The following KCTD1 variants were observed in gnomAD, a reference collection of about 807,000 sequenced individuals.
The protein encoded by KCTD1 is potassium channel tetramerization domain containing 1, also known as BTB/POZ domain-containing protein KCTD1.
Under a neutral mutation model 66.0 loss-of-function variants are expected in KCTD1, and 24 were observed. That is an observed-to-expected ratio of 0.36 (90% CI 0.26 to 0.51). The LOEUF (loss-of-function observed/expected upper bound fraction) is 0.51, where lower values mean the gene tolerates loss of function less well. Ranked by LOEUF, KCTD1 falls within the 20% of genes least tolerant of loss-of-function variation. The pLI is 0.95. For synonymous variants in KCTD1, 511 were observed against 517.2 expected (o/e 0.99, Z 0.16); for missense variants, 943 against 1,205.2 (o/e 0.78, Z 3.22).
chr18:26,463,555 A>AGAT (rs1980557931), intron 3 of KCTD1, among the ~76,000 whole-genome samples: 1 of 141,070 alleles, frequency 7.1e-6, no homozygotes. Flanking sequence ...TTTTTTTTTG[A>AGAT]GATGGAGTTT....
chr18:26,532,855 A>G (rs529038605), intron 1 of KCTD1, among the ~76,000 whole-genome samples: 3 of 152,216 alleles, frequency 2.0e-5, no homozygotes, highest in Non-Finnish European at 2.9e-5. Context: ...TGGTTTTATT[A>G]GTTTTCCTGT....
intron 1 of KCTD1, among the ~76,000 whole-genome samples, chr18:26,502,301 G>A (rs1389719773): frequency 6.6e-6 from 1 of 152,088 alleles, no homozygotes; most frequent in Non-Finnish European, 1.5e-5. Flanking sequence ...CGCCCACCTC[G>A]GCCTCCCAAA....
At chr18:26,552,313 C>A (rs1228218104), upstream of KCTD1, among the ~76,000 whole-genome samples, 1 of 152,172 alleles carries the variant, frequency 6.6e-6, no homozygotes, top group Non-Finnish European at 1.5e-5. Flanking sequence ...TTCTGAGTAT[C>A]ATCTGTTAAT....
chr18:26,583,970 T>C (rs1219243181), intron 1 of KCTD1, among the ~76,000 whole-genome samples: 2 of 152,238 alleles, frequency 1.3e-5, no homozygotes, highest in African/African-American at 4.8e-5. Context: ...TCTGTTGTTT[T>C]GCATCCTCAA....
At chr18:26,457,787 A>G (rs1222650211) in intron 4 of KCTD1, 2 of 152,214 alleles carry the variant, frequency 1.3e-5, no homozygotes, top group Non-Finnish European at 2.9e-5. Flanking sequence ...CTGCGTGCCC[A>G]TAGGCTGGTG....
rs764837166 is a variant in KCTD1, at chr18:26,455,800, C to T, written c.2541G>A (p.Leu847=). The T allele has an allele frequency of 1.2e-6, 2 of 1,614,190 alleles. No homozygotes were observed. Among genetic ancestry groups the T allele is most frequent in the East Asian group, 2.2e-5 (1 of 44,888 alleles). Residue 847 remains leucine, a synonymous_variant, in exon 5 of 5, where the codon CTG becomes CTA. Coordinates refer to ENST00000580059, the MANE Select transcript of KCTD1 (RefSeq NM_001142730.3). ...QFSEYVLRRE[L]RRTPRVPSVI... ...CGGAGGGTACACGGGGCGTCCGCCTCAGTTCCCGCCGAAGGACGTATTCGC... is the reference window on the plus strand; with the variant it reads ...CGGAGGGTACACGGGGCGTCCGCCTTAGTTCCCGCCGAAGGACGTATTCGC...
intron 1 of KCTD1, among the ~76,000 whole-genome samples, chr18:26,570,991 T>A (rs774206451): frequency 3.2e-4 from 49 of 152,222 alleles, no homozygotes; most frequent in Middle Eastern, 3.2e-3. Flanking sequence ...TTTGGCCAGA[T>A]AACATTTCCA....
chr18:26,462,304 G>A (rs1009671116), intron 3 of KCTD1, among the ~76,000 whole-genome samples: 1 of 152,246 alleles, frequency 6.6e-6, no homozygotes, highest in Admixed American at 6.5e-5. Flanking sequence ...AGTCAGAAGC[G>A]CTCCTATGAA....
chr18:26,536,936 C>T (rs1382607118), intron 1 of KCTD1, among the ~76,000 whole-genome samples: 2 of 147,166 alleles, frequency 1.4e-5, no homozygotes, highest in African/African-American at 5.0e-5. Context: ...AAAAAAAAAA[C>T]CCACGAGACA....
intron 1 of KCTD1, among the ~76,000 whole-genome samples, chr18:26,650,914 T>C (rs1568021073): frequency 6.6e-6 from 1 of 152,258 alleles, no homozygotes; most frequent in South Asian, 2.1e-4. Flanking sequence ...AGTTCATAAC[T>C]CTTCTTCTTA....
chr18:26,647,564 TCTGA>T (rs1390125424), intron 1 of KCTD1, among the ~76,000 whole-genome samples: 1 of 117,648 alleles, frequency 8.5e-6, no homozygotes, highest in East Asian at 2.9e-4. Flanking sequence ...AGGGCTGAAT[TCTGA>T]AATTTTGGCC....
At chr18:26,455,987 A>C in intron 4 of KCTD1, 86 bp from the exon 5 acceptor site, 1 of 1,294,294 alleles carries the variant, frequency 7.7e-7, no homozygotes, top group East Asian at 2.5e-5. Flanking sequence ...GATTATGCGC[A>C]CTCTGGTTCA....
At chr18:26,535,433 T>C (rs1010152464) in intron 1 of KCTD1, among the ~76,000 whole-genome samples, 1 of 151,958 alleles carries the variant, frequency 6.6e-6, no homozygotes, top group Admixed American at 6.5e-5. Flanking sequence ...ACTGACCCAC[T>C]GAAGAAATGG....
intron 1 of KCTD1, among the ~76,000 whole-genome samples, chr18:26,647,094 G>A (rs1048664106): frequency 1.2e-4 from 18 of 152,274 alleles, no homozygotes; most frequent in African/African-American, 4.3e-4. Context: ...ATAAAGATCT[G>A]TTTTTCCTAT....
upstream of KCTD1, chr18:26,549,868 C>A: frequency 4.3e-6 from 4 of 924,230 alleles, no homozygotes; most frequent in Non-Finnish European, 3.9e-6. Flanking sequence ...TGCCCCACTT[C>A]CAGCCAAACG....
At chr18:26,537,777 A>G (rs542523200) in intron 1 of KCTD1, among the ~76,000 whole-genome samples, 1 of 152,366 alleles carries the variant, frequency 6.6e-6, no homozygotes, top group Admixed American at 6.5e-5. Flanking sequence ...GAATCCTAGT[A>G]TAATGACCAC....
chr18:26,507,562 G>A (rs1178741571), intron 1 of KCTD1, among the ~76,000 whole-genome samples: 2 of 152,020 alleles, frequency 1.3e-5, no homozygotes, highest in African/African-American at 4.8e-5. Context: ...CTTTTGTAGA[G>A]ATGGGGACTT....
At chr18:26,624,005 G>A (rs2145023011) in intron 1 of KCTD1, among the ~76,000 whole-genome samples, 1 of 152,294 alleles carries the variant, frequency 6.6e-6, no homozygotes, top group South Asian at 2.1e-4. Flanking sequence ...AACTTGTTGG[G>A]AACTGAAACA....
chr18:26,569,767 T>G (rs886141452), intron 1 of KCTD1, among the ~76,000 whole-genome samples: 1 of 152,190 alleles, frequency 6.6e-6, no homozygotes, highest in African/African-American at 2.4e-5. Context: ...GGATCTGAAA[T>G]CATCTATTGG....
Sources: gnomAD v4.1 joint callset for allele counts (sites outside exome capture counted in the v4.1 genomes callset) on GRCh38, gnomAD v4.1.1 for gene constraint, MANE v1.5 for transcripts, NCBI Gene and HGNC (gene_info 2026-07-23, HGNC 2026-07-21) for gene names.